ALPK1: variants seen among roughly 807,000 people sequenced by gnomAD.
ALPK1 encodes alpha kinase 1.
ALPK1 carries 110 observed loss-of-function variants against 120.6 expected under a neutral mutation model. The ratio of observed to expected loss-of-function variants is 0.91; its 90% CI spans 0.78 to 1.07. ALPK1 has a LOEUF of 1.07. ALPK1 is among the 50% of genes least tolerant of loss of function. The pLI, the probability that ALPK1 is intolerant of heterozygous loss-of-function variation, is 0.00. For missense variants in ALPK1, 1,498 were observed against 1,483.9 expected (o/e 1.01, Z -0.16); for synonymous variants, 582 against 560.3 (o/e 1.04, Z -0.55).
At chr4:112,436,758 A>G (rs928030895) in intron 12 of ALPK1, among the ~76,000 whole-genome samples, 12 of 152,110 alleles carry the variant, frequency 7.9e-5, no homozygotes, top group African/African-American at 1.2e-4. Context: ...GAGAAAATCA[A>G]TTTCTGTTAT....
chr4:112,358,698 C>A, intron 2 of ALPK1: 1 of 748,554 alleles, frequency 1.3e-6, no homozygotes, highest in Admixed American at 1.8e-5. Context: ...GGCAGAGGAG[C>A]CGCAAGGAAG....
rs1730633129 is a variant in ALPK1, at chr4:112,356,648, T to A, written c.-100-21030T>A. 9.6e-6 allele frequency: 8 copies of A among 829,372 alleles called. 1 individual carries two copies. In the South Asian group the frequency reaches 1.1e-4, roughly 11 times the overall value. 51.4% of individuals were successfully genotyped at this position (829,372 alleles called of 1,614,324 possible). The stretch of plus-strand genomic sequence containing the variant: ...AGAAGATGGCAAGTCGCTCTGTCAT[T>A]TCTACAACAATGTAGAAGAGAAAAG... On this transcript the variant is annotated intron_variant, in intron 2 of 15. Coordinates refer to ENST00000650871, the MANE Select transcript of ALPK1 (RefSeq NM_025144.4).
At chr4:112,331,278 G>A (rs1458313339) in intron 2 of ALPK1, among the ~76,000 whole-genome samples, 1 of 152,158 alleles carries the variant, frequency 6.6e-6, no homozygotes, top group Non-Finnish European at 1.5e-5. Context: ...TATTGAGAGG[G>A]TGTCTTCTGC....
chr4:112,412,603 G>A (rs148236596), intron 5 of ALPK1, among the ~76,000 whole-genome samples: 402 of 152,106 alleles, frequency 2.6e-3, no homozygotes, highest in African/African-American at 8.2e-3. Flanking sequence ...TGTGGAAGAG[G>A]GCTGGGGGGA....
At chr4:112,429,463 G>T (rs1360657095) in intron 10 of ALPK1, among the ~76,000 whole-genome samples, 1 of 152,092 alleles carries the variant, frequency 6.6e-6, no homozygotes, top group East Asian at 1.9e-4. Flanking sequence ...TCAGCCCAAG[G>T]GTAGATTGTT....
intron 8 of ALPK1, among the ~76,000 whole-genome samples, chr4:112,426,797 A>C: frequency 1.3e-5 from 2 of 152,158 alleles, no homozygotes; most frequent in South Asian, 4.2e-4. Context: ...ATTTATCTCT[A>C]CTGGTCCATT....
At chr4:112,308,299 T>G (rs554357010) in intron 1 of ALPK1, among the ~76,000 whole-genome samples, 1 of 152,244 alleles carries the variant, frequency 6.6e-6, no homozygotes, top group African/African-American at 2.4e-5. Flanking sequence ...TGGCCTGCCT[T>G]GCTAGGTTGG....
At position 112,355,728 on chromosome 4, in the gene ALPK1, T is replaced by C. The variant is rs188842845; in HGVS notation, c.-100-21950T>C. On this transcript the variant is annotated intron_variant, in intron 2 of 15. Transcript: ENST00000650871. ...ACGCTCAAAGGGCTGCATAGACCTC[T>C]AGGGCCCAAAGAGCAGGCGGACCCC... 1.5e-3 allele frequency among the ~76,000 whole-genome samples: 236 copies of C among 152,352 alleles called. 3 individuals are homozygous for C. The highest frequency in any genetic ancestry group is 0.015 in the Admixed American group (227 of 15,312).
intron 12 of ALPK1, among the ~76,000 whole-genome samples, chr4:112,436,799 C>T (rs951531581): frequency 2.0e-5 from 3 of 152,134 alleles, no homozygotes; most frequent in African/African-American, 7.2e-5. Flanking sequence ...CATGTTGTGA[C>T]AGCAGCCCTG....
rs77333750 is a variant in ALPK1 at position 112,370,406 on chromosome 4, GA to G, written c.-100-7262del. ...GGACCCTTTCTATTTGATTTTTAAG[GA>G]AAAAAAAAATACAGGGGAGGGATGT... is the stretch of plus-strand genomic sequence containing the variant. On this transcript the variant is annotated intron_variant, in intron 2 of 15. Coordinates refer to ENST00000650871, the MANE Select transcript of ALPK1 (RefSeq NM_025144.4). 6.4e-3 allele frequency among the ~76,000 whole-genome samples: 940 copies of G among 146,782 alleles called. 12 individuals are homozygous for G. The highest frequency in any genetic ancestry group is 0.039 in the East Asian group (197 of 5,102).
intron 4 of ALPK1, among the ~76,000 whole-genome samples, chr4:112,393,135 A>G (rs1038435221): frequency 6.6e-6 from 1 of 152,228 alleles, no homozygotes; most frequent in Non-Finnish European, 1.5e-5. Flanking sequence ...TTTAAATGCA[A>G]TTAACCCAAC....
At chr4:112,356,772 T>G in intron 2 of ALPK1, 1 of 754,480 alleles carries the variant, frequency 1.3e-6, no homozygotes, top group Non-Finnish European at 2.4e-6. Context: ...TCCCGGAACC[T>G]GAAGCAGCAA....
rs201890181 is a variant in ALPK1 at position 112,439,783 on chromosome 4, CAG to C, written c.3451_3452del (p.Glu1151IlefsTer16). 4.4e-4 allele frequency: 713 copies of C among 1,613,562 alleles called. 8 individuals are homozygous for C. In the East Asian group the frequency reaches 0.014, roughly 31 times the overall value. On this transcript the variant is annotated frameshift_variant, in exon 14 of 16. Coordinates refer to ENST00000650871, the MANE Select transcript of ALPK1 (RefSeq NM_025144.4). LOFTEE classifies it high-confidence loss of function. ...TCAAATAACACGAAAGTGGTGAAAA[CAG>C]AATACAAAGCCACAGAATATGGCTT...
chr4:112,313,939 A>G (rs1327370574), intron 1 of ALPK1, among the ~76,000 whole-genome samples: 3 of 152,230 alleles, frequency 2.0e-5, no homozygotes, highest in Non-Finnish European at 2.9e-5. Context: ...TGAAAGTGAG[A>G]TGAAGAGATT....
At chr4:112,357,295 G>A (rs2148714425) in intron 2 of ALPK1, 3 of 1,008,256 alleles carry the variant, frequency 3.0e-6, no homozygotes, top group Non-Finnish European at 4.6e-6. Context: ...CAGCCGGACT[G>A]CAGAAGCTGG....
At position 112,320,700 on chromosome 4, in the gene ALPK1, C is replaced by A. The variant is rs536251295; in HGVS notation, c.-101+4848C>A. 3.4e-4 allele frequency among the ~76,000 whole-genome samples: 51 copies of A among 152,036 alleles called. 1 individual carries two copies. The highest frequency in any genetic ancestry group is 1.2e-3 in the African/African-American group (50 of 41,482). On this transcript the variant is annotated intron_variant, in intron 2 of 15. Coordinates refer to ENST00000650871, the MANE Select transcript of ALPK1 (RefSeq NM_025144.4). ...TTTTTTGTTGGTGGCTTTTTAGTTA[C>A]CATTTCAATCTCACTCCTTGTTATT...
chr4:112,300,356 C>CA (rs1208415956), intron 1 of ALPK1, among the ~76,000 whole-genome samples: 2 of 151,784 alleles, frequency 1.3e-5, no homozygotes, highest in African/African-American at 2.4e-5. Context: ...GATATTCTTA[C>CA]AAAAAATTTT....
At chr4:112,411,781 G>A in intron 4 of ALPK1, 46 bp from the exon 5 acceptor site, 1 of 1,557,956 alleles carries the variant, frequency 6.4e-7, no homozygotes. Context: ...CCCTCAGCCT[G>A]CCAGCGTTTC....
At position 112,361,197 on chromosome 4, in the gene ALPK1, G is replaced by C. The variant is rs1418245987; in HGVS notation, c.-100-16481G>C. On this transcript the variant is annotated intron_variant, in intron 2 of 15. Coordinates refer to ENST00000650871, the MANE Select transcript of ALPK1 (RefSeq NM_025144.4). ...CCACAGAACATACCAGGAAAGCCGA[G>C]ACAATCCACAGACCCTTTGAAGGAG... is the stretch of plus-strand genomic sequence containing the variant. 3.9e-5 allele frequency among the ~76,000 whole-genome samples: 6 copies of C among 152,216 alleles called. No individual in the cohort carries two copies. In the East Asian group the frequency reaches 1.2e-3, roughly 29 times the overall value.
Sources: allele counts gnomAD v4.1 joint callset (sites outside exome capture counted in the v4.1 genomes callset), GRCh38; gene constraint gnomAD v4.1.1; transcripts MANE v1.5; gene names NCBI Gene and HGNC (gene_info 2026-07-23, HGNC 2026-07-21).